Variants in REST observed in about 807,000 individuals in gnomAD.
REST encodes the protein RE1-silencing transcription factor.
A neutral mutation model predicts 30.4 loss-of-function variants in REST; 1 was observed. The observed-to-expected ratio is 0.03, with a 90% CI of 0.01 to 0.16. REST has a LOEUF of 0.16. REST is among the 10% of genes least tolerant of loss of function. The probability of loss-of-function intolerance (pLI) is 1.00; values close to 1 mark genes in which losing one functional copy is unlikely to be tolerated. For missense variants in REST, 1,259 were observed against 1,329.5 expected, an observed-to-expected ratio of 0.95 and a Z score of 0.82; for synonymous variants, 504 against 451.1, an observed-to-expected ratio of 1.12 and a Z score of -1.49.
rs2109573510 is a variant in REST, at chr4:56,930,269, A to G, written c.1411A>G (p.Arg471Gly). 1.9e-6 allele frequency: 3 copies of G among 1,612,702 alleles called. No individual in the cohort carries two copies. The highest frequency in any genetic ancestry group is 1.7e-6 in the Non-Finnish European group (2 of 1,179,794). The change falls in exon 4 of 4, where the codon AGA becomes GGA. Residue 471 changes from arginine (R) to glycine (G), a missense_variant. Physicochemically the swap from Arg to Gly is moderately radical, Grantham distance 125 (BLOSUM62 -2). Transcript: ENST00000309042. ...TGAAAAGTCCGTCAAAGCAGAGAAA[A>G]GAGATGTCTCAAAAGAGAAAAAGCC... ...KNEKSVKAEK[R>G]DVSKEKKPSN...
chr4:56,913,574 A>G (rs1053072325), intron 2 of REST, among the ~76,000 whole-genome samples: 3 of 152,108 alleles, frequency 2.0e-5, no homozygotes, highest in African/African-American at 7.2e-5. Context: ...ACTTGACAGG[A>G]CTGAACCCCA....
chr4:56,911,557 C>G, intron 2 of REST, 21 bp downstream of exon 2: 1 of 1,583,350 alleles, frequency 6.3e-7, no homozygotes, highest in Non-Finnish European at 8.6e-7. Flanking sequence ...CTTTCTAGTC[C>G]ATAAGTTCAG....
rs769696285 is a variant in REST at position 56,930,515 on chromosome 4, A to G, written c.1657A>G (p.Asn553Asp). 5 of 1,610,722 alleles carry G rather than the reference A, an allele frequency of 3.1e-6. No individual in the cohort carries two copies. The highest frequency in any genetic ancestry group is 1.7e-5 in the Admixed American group (1 of 59,258). Residue 553 changes from asparagine (N) to aspartate (D), a missense_variant, in exon 4 of 4, where the codon AAT becomes GAT. Physicochemically the swap from Asn to Asp is conservative, Grantham distance 23 (BLOSUM62 1). Around this residue, in one of 5 missense-constraint regions of REST, gnomAD observed 856 missense variants for 772.8 expected, o/e 1.11. Transcript: ENST00000309042. ...KKKKVESKSKNNSQEVPKGDS... is the reference protein window; with the variant it reads ...KKKKVESKSKDNSQEVPKGDS... The stretch of plus-strand genomic sequence containing the variant: ...AAAGAAGGTAGAAAGCAAATCCAAA[A>G]ATAATAGTCAGGAAGTGCCAAAGGG...
rs1351520978 is a variant in REST, at chr4:56,931,572, G to A, written c.2714G>A (p.Ser905Asn). ...GTAGGAGCAGAAGAGGCAGATGAGA[G>A]CCTACCTGGTCTTGCTGCTAATATC... ...QKVGAEEADESLPGLAANINE... is the reference protein window; with the variant it reads ...QKVGAEEADENLPGLAANINE... Residue 905 changes from serine to asparagine, a missense_variant, in exon 4 of 4, where the codon AGC becomes AAC. Ser to Asn is a conservative substitution (Grantham distance 46). This residue lies in a region of REST where 856 missense variants were observed against 772.8 expected (regional missense o/e 1.11). Transcript: ENST00000309042. The A allele has an allele frequency of 6.2e-7, 1 of 1,614,096 alleles. No homozygotes were observed. The highest frequency in any genetic ancestry group is 1.7e-5 in the Admixed American group (1 of 60,004).
In REST at chr4:56,910,877, G is replaced by C; in HGVS notation, c.239G>C (p.Gly80Ala). The C allele has an allele frequency of 6.2e-7, 1 of 1,614,130 alleles. No individual in the cohort carries two copies. The highest frequency in any genetic ancestry group is 8.5e-7 in the Non-Finnish European group (1 of 1,180,022). The stretch of plus-strand genomic sequence containing the variant: ...CAGATGGCAGAACTGATGCCGGTTG[G>C]GGATAACAACTTTTCAGATAGTGAA... ...ERQMAELMPV[G>A]DNNFSDSEEG... The change falls in exon 2 of 4, where the codon GGG becomes GCG. Residue 80 changes from glycine (G) to alanine (A), a missense_variant. Gly to Ala is a moderately conservative substitution (Grantham distance 60). This residue lies in a region of REST where 249 missense variants were observed against 251.5 expected (regional missense o/e 0.99). Transcript: ENST00000309042.
chr4:56,917,015 TA>T (rs1720231709), intron 2 of REST, among the ~76,000 whole-genome samples: 2 of 140,082 alleles, frequency 1.4e-5, no homozygotes, highest in African/African-American at 2.6e-5. Context: ...TCCTTAGCAA[TA>T]ATACTGTTAA....
chr4:56,913,057 C>G (rs892700810), intron 2 of REST, among the ~76,000 whole-genome samples: 2 of 152,106 alleles, frequency 1.3e-5, no homozygotes, highest in African/African-American at 4.8e-5. Context: ...CACAGTCTTC[C>G]CAAGTGTTGG....
intron 3 of REST, chr4:56,927,629 C>T (rs1457231880): frequency 1.7e-6 from 2 of 1,204,510 alleles, no homozygotes; most frequent in Non-Finnish European, 2.1e-6. Flanking sequence ...GTATGGATAC[C>T]ATTTGGTAAT....
rs983460803 is a variant in REST at position 56,908,460 on chromosome 4, C to T, written c.-10+247C>T. ...GTTGGGAGCAGCGCGTCGCCTGGACCCCCTCCCCACTGGAGGCTGGGACGC... is the reference window on the plus strand; with the variant it reads ...GTTGGGAGCAGCGCGTCGCCTGGACTCCCTCCCCACTGGAGGCTGGGACGC... On this transcript the variant is annotated intron_variant, in intron 1 of 3. Transcript: ENST00000309042. Among the ~76,000 whole-genome samples, 14 of 152,044 alleles carry T rather than the reference C, an allele frequency of 9.2e-5. No homozygotes were observed. The East Asian group carries it at 2.5e-3, about 28-fold the overall frequency.
chr4:56,914,463 T>C (rs1720084627), intron 2 of REST, among the ~76,000 whole-genome samples: 1 of 152,160 alleles, frequency 6.6e-6, no homozygotes, highest in Non-Finnish European at 1.5e-5. Context: ...CTGTGATTGA[T>C]TGTCTCGATG....
intron 2 of REST, among the ~76,000 whole-genome samples, chr4:56,919,465 T>G (rs1170985130): frequency 6.6e-6 from 1 of 152,192 alleles, no homozygotes; most frequent in Non-Finnish European, 1.5e-5. Context: ...CAAAAATGCT[T>G]TGTACCTTAT....
intron 3 of REST, among the ~76,000 whole-genome samples, chr4:56,923,081 A>G (rs1720526581): frequency 6.6e-6 from 1 of 152,234 alleles, no homozygotes; most frequent in Admixed American, 6.5e-5. Context: ...TATTTTAAAG[A>G]TGATTTTTAG....
chr4:56,928,632 C>T (rs1386359920), intron 3 of REST, among the ~76,000 whole-genome samples: 1 of 150,154 alleles, frequency 6.7e-6, no homozygotes, highest in African/African-American at 2.5e-5. Flanking sequence ...GTCGCCCAGG[C>T]TGAAGTGAAG....
At chr4:56,926,352 C>A (rs928347053) in intron 3 of REST, among the ~76,000 whole-genome samples, 1 of 151,896 alleles carries the variant, frequency 6.6e-6, no homozygotes, top group African/African-American at 2.4e-5. Flanking sequence ...GGATTACAGG[C>A]GTGAGCCACT....
chr4:56,931,388 C>T lies in REST; in HGVS notation c.2530C>T (p.Pro844Ser). The part of the protein sequence containing the change: ...EQVLIEVGLV[P>S]VKDSWLLKES... ...AGTCCTTATTGAAGTTGGCTTAGTG[C>T]CTGTTAAAGATAGCTGGCTTCTAAA... is the stretch of plus-strand genomic sequence containing the variant. Residue 844 changes from proline to serine, a missense_variant, in exon 4 of 4, where the codon CCT becomes TCT. Physicochemically the swap from Pro to Ser is moderately conservative, Grantham distance 74 (BLOSUM62 -1). This residue lies in a region of REST where 856 missense variants were observed against 772.8 expected (regional missense o/e 1.11). Transcript: ENST00000309042. The T allele has an allele frequency of 6.2e-7, 1 of 1,614,234 alleles. No homozygotes were observed. The highest frequency in any genetic ancestry group is 1.1e-5 in the South Asian group (1 of 91,090).
intron 2 of REST, among the ~76,000 whole-genome samples, chr4:56,914,799 C>G (rs1444804697): frequency 6.6e-6 from 1 of 152,066 alleles, no homozygotes; most frequent in Non-Finnish European, 1.5e-5. Flanking sequence ...GGTCGTCTGC[C>G]CACCTCAGCC....
rs10589188 is a variant in REST at position 56,914,922 on chromosome 4, CTTTTTTT to C, written c.898+3401_898+3407del. ...TCATTCTGATTTTTTTTTTTTTTAACTTTTTTTTTTTTTTTTTTTTTGAGACAGTTTT... is the reference window on the plus strand; with the variant it reads ...TCATTCTGATTTTTTTTTTTTTTAACTTTTTTTTTTTTTTGAGACAGTTTT... On this transcript the variant is annotated intron_variant, in intron 2 of 3. Coordinates refer to ENST00000309042, the MANE Select transcript of REST (RefSeq NM_005612.5). 4.7e-4 allele frequency among the ~76,000 whole-genome samples: 43 copies of C among 92,116 alleles called. No individual in the cohort carries two copies. The South Asian group carries it at 0.015, about 32-fold the overall frequency. The allele number at this position is 92,116 out of a possible 152,430, so 60.4% of individuals were successfully genotyped here.
At chr4:56,924,904 A>G (rs901461134) in intron 3 of REST, among the ~76,000 whole-genome samples, 23 of 152,122 alleles carry the variant, frequency 1.5e-4, no homozygotes, top group African/African-American at 5.1e-4. Context: ...GGTTGTTCAC[A>G]CCTGTAATCC....
intron 3 of REST, among the ~76,000 whole-genome samples, chr4:56,921,027 G>A (rs925322689): frequency 6.6e-6 from 1 of 151,644 alleles, no homozygotes; most frequent in African/African-American, 2.4e-5. Flanking sequence ...CACCATGCCC[G>A]GCTGATTCTT....
Sources: allele counts gnomAD v4.1 joint callset (sites outside exome capture counted in the v4.1 genomes callset), GRCh38; gene constraint gnomAD v4.1.1; regional missense constraint gnomAD v4.1.1; transcripts MANE v1.5; gene names NCBI Gene and HGNC (gene_info 2026-07-23, HGNC 2026-07-21).